Variants in DEK observed in about 807,000 individuals in gnomAD.
The protein encoded by DEK is protein DEK.
In DEK, 28 loss-of-function variants were observed where a neutral mutation model predicts 46.8. The ratio of observed to expected loss-of-function variants is 0.60; its 90% CI spans 0.44 to 0.82. The LOEUF is 0.82. DEK is among the 40% of genes least tolerant of loss of function. The probability of loss-of-function intolerance (pLI) is 0.00; values close to 1 mark genes in which losing one functional copy is unlikely to be tolerated. For missense variants in DEK, 416 were observed against 430.6 expected (o/e 0.97, Z 0.30); for synonymous variants, 160 against 144.5 (o/e 1.11, Z -0.77).
At position 18,225,959 on chromosome 6, in the gene DEK, C is replaced by G. The variant is rs1176581198; in HGVS notation, c.1116+215G>C. 15 of 694,156 alleles carry G rather than the reference C, an allele frequency of 2.2e-5. No individual in the cohort carries two copies. In the South Asian group the frequency reaches 2.9e-4, roughly 14 times the overall value. 43.0% of individuals were successfully genotyped at this position (694,156 alleles called of 1,614,324 possible). A position where few individuals can be genotyped will look rare whatever the true frequency, so the allele number is the denominator to read the frequency against. ...ACCCAGGTACACCATGAGGCCACAT[C>G]ATAATCTGAGTTCAGGTCTTATCAC... On this transcript the variant is annotated intron_variant, in intron 10 of 10. Coordinates refer to ENST00000652689, the MANE Select transcript of DEK (RefSeq NM_003472.4).
Position 18,258,396 on chromosome 6 carries a change from A to G in DEK, c.155T>C (p.Leu52Pro), listed in dbSNP as rs761133324. Residue 52 changes from leucine to proline, a missense_variant, in exon 3 of 11, where the codon CTC becomes CCC. Coordinates refer to ENST00000652689, the MANE Select transcript of DEK (RefSeq NM_003472.4). ...EEEEEEKEKSLIVEGKREKKK... is the reference protein window; with the variant it reads ...EEEEEEKEKSPIVEGKREKKK... ...CTTTTCCCTCTTGCCTTCCACGATG[A>G]GACTCTTTTCTAGAAATTAATTTAG... 3 of 1,610,364 alleles carry G rather than the reference A, an allele frequency of 1.9e-6. No homozygotes were observed. The highest frequency in any genetic ancestry group is 3.3e-5 in the Admixed American group (2 of 59,772).
intron 6 of DEK, among the ~76,000 whole-genome samples, chr6:18,255,351 T>C (rs1215390112): frequency 6.6e-6 from 1 of 152,168 alleles, no homozygotes; most frequent in Admixed American, 6.5e-5. Flanking sequence ...TCTAATATAC[T>C]CCCTATTTTG....
chr6:18,246,931 CAG>C (rs1791145052), intron 7 of DEK, among the ~76,000 whole-genome samples: 1 of 152,124 alleles, frequency 6.6e-6, no homozygotes, highest in Non-Finnish European at 1.5e-5. Context: ...AGAAAATAAA[CAG>C]AATATTAACT....
At chr6:18,231,119 C>A (rs1267251634) in intron 9 of DEK, among the ~76,000 whole-genome samples, 1 of 152,168 alleles carries the variant, frequency 6.6e-6, no homozygotes, top group Non-Finnish European at 1.5e-5. Flanking sequence ...TGAATGACTA[C>A]TGGGTACATA....
Position 18,225,737 on chromosome 6 carries a change from T to C in DEK, c.1117-7A>G, listed in dbSNP as rs1790090012. The C allele has an allele frequency of 5.0e-6, 8 of 1,613,218 alleles. No individual in the cohort carries two copies. Among genetic ancestry groups the C allele is most frequent in the East Asian group, 2.2e-5 (1 of 44,836 alleles). On this transcript the variant is annotated splice_polypyrimidine_tract_variant and splice_region_variant and intron_variant, in intron 10 of 10. Transcript: ENST00000652689. Reference sequence around the variant, plus strand: ...CTCTATCTCAAGAAATTAGCTGTAATGAAAGAGAAACATTATTTTGCCATA... The same window carrying C: ...CTCTATCTCAAGAAATTAGCTGTAACGAAAGAGAAACATTATTTTGCCATA...
At chr6:18,228,306 T>C (rs1790226738) in intron 9 of DEK, among the ~76,000 whole-genome samples, 1 of 152,000 alleles carries the variant, frequency 6.6e-6, no homozygotes, top group African/African-American at 2.4e-5. Flanking sequence ...GTGACTAAGA[T>C]AGAATGGATT....
At chr6:18,231,133 A>C (rs1354675058) in intron 9 of DEK, among the ~76,000 whole-genome samples, 1 of 152,246 alleles carries the variant, frequency 6.6e-6, no homozygotes, top group Non-Finnish European at 1.5e-5. Context: ...GTACATAACA[A>C]AATGAAGGCA....
intron 1 of DEK, 25 bp from the exon 2 acceptor site, chr6:18,264,021 G>C (rs745330720): frequency 6.3e-7 from 1 of 1,578,212 alleles, no homozygotes; most frequent in Non-Finnish European, 8.6e-7. Context: ...AAAGCCGGAC[G>C]TCTCGGTCCT....
chr6:18,229,358 G>T (rs143451798), intron 9 of DEK, among the ~76,000 whole-genome samples: 464 of 152,336 alleles, frequency 3.0e-3, no homozygotes, highest in Non-Finnish European at 5.4e-3. Flanking sequence ...CTCCTCGCCA[G>T]CAATGGAACA....
intron 9 of DEK, among the ~76,000 whole-genome samples, chr6:18,231,364 A>C (rs1205317873): frequency 1.3e-5 from 2 of 152,196 alleles, no homozygotes; most frequent in African/African-American, 4.8e-5. Flanking sequence ...GAAATAACTA[A>C]GATCAGAGCA....
intron 7 of DEK, among the ~76,000 whole-genome samples, chr6:18,246,185 A>C (rs1323473489): frequency 6.6e-6 from 1 of 152,224 alleles, no homozygotes; most frequent in Non-Finnish European, 1.5e-5. Context: ...TGATTTTCAT[A>C]ATCAATTTAG....
intron 7 of DEK, among the ~76,000 whole-genome samples, chr6:18,245,187 A>G (rs1005798044): frequency 1.3e-5 from 2 of 152,230 alleles, no homozygotes; most frequent in African/African-American, 4.8e-5. Context: ...TCACTAGAAG[A>G]AAACCTTTTG....
chr6:18,225,880 C>A, intron 10 of DEK, 150 bp from the exon 11 acceptor site: 8 of 937,406 alleles, frequency 8.5e-6, no homozygotes, highest in African/African-American at 1.7e-5. Context: ...ACCTTTGCCT[C>A]GTAGACAGGA....
chr6:18,262,443 T>G (rs1791919221), intron 2 of DEK, among the ~76,000 whole-genome samples: 2 of 152,148 alleles, frequency 1.3e-5, no homozygotes, highest in Admixed American at 6.5e-5. Flanking sequence ...GTAAAAAGAA[T>G]AATAAATCAC....
intron 4 of DEK, among the ~76,000 whole-genome samples, chr6:18,257,720 GAAAGAAAAAAA>G (rs1791661098): frequency 6.8e-6 from 1 of 146,818 alleles, no homozygotes; most frequent in Non-Finnish European, 1.5e-5. Flanking sequence ...TGTCTTAAAA[GAAAGAAAAAAA>G]AAAGAAAAAG....
At chr6:18,257,892 C>T in intron 4 of DEK, 61 bp downstream of exon 4, 1 of 1,252,888 alleles carries the variant, frequency 8.0e-7, no homozygotes, top group South Asian at 1.4e-5. Flanking sequence ...CTAACATTTA[C>T]AGAAATTGAT....
At chr6:18,227,934 C>A (rs138738554) in intron 9 of DEK, among the ~76,000 whole-genome samples, 1 of 152,148 alleles carries the variant, frequency 6.6e-6, no homozygotes, top group Non-Finnish European at 1.5e-5. Context: ...CAGTCCCTCC[C>A]TAAAGTTAAA....
At position 18,224,145 on chromosome 6, in the gene DEK, T is replaced by TATAAG. The variant is rs1440613259; in HGVS notation, c.*1569_*1573dup. ...CCCATAAGGAAATGCTATATACACC[T>TATAAG]ATAAGATATCAAATGCAAGTGACTT... On this transcript the variant is annotated 3_prime_UTR_variant, in exon 11 of 11. Coordinates refer to ENST00000652689, the MANE Select transcript of DEK (RefSeq NM_003472.4). The TATAAG allele has an allele frequency of 5.9e-6, 1 of 170,822 alleles. No homozygotes were observed. The highest frequency in any genetic ancestry group is 1.1e-4 in the East Asian group (1 of 9,426). 10.6% of individuals were successfully genotyped at this position (170,822 alleles called of 1,614,324 possible). A position where few individuals can be genotyped will look rare whatever the true frequency, so the allele number is the denominator to read the frequency against.
chr6:18,257,092 T>G (rs1362260637), intron 4 of DEK, among the ~76,000 whole-genome samples: 1 of 152,238 alleles, frequency 6.6e-6, no homozygotes, highest in Non-Finnish European at 1.5e-5. Flanking sequence ...CTAAGTCATA[T>G]GTACAGTATA....
Sources: gnomAD v4.1 joint callset for allele counts (sites outside exome capture counted in the v4.1 genomes callset) on GRCh38, gnomAD v4.1.1 for gene constraint, MANE v1.5 for transcripts, NCBI Gene and HGNC (gene_info 2026-07-23, HGNC 2026-07-21) for gene names.